Variants in TENM1 observed in about 807,000 individuals in gnomAD.
TENM1 encodes teneurin transmembrane protein 1.
Under a neutral mutation model 174.8 loss-of-function variants are expected in TENM1, and 35 were observed. The ratio of observed to expected loss-of-function variants is 0.20; its 90% confidence interval spans 0.15 to 0.27. The LOEUF (loss-of-function observed/expected upper bound fraction) is 0.27. TENM1 is among the 10% of genes least tolerant of loss of function. The probability of loss-of-function intolerance (pLI) is 1.00; values close to 1 mark genes in which losing one functional copy is unlikely to be tolerated. For synonymous variants in TENM1, 781 were observed against 798.7 expected (o/e 0.98, Z 0.37); for missense variants, 1,633 against 2,130.1 (o/e 0.77, Z 4.59).
At chrX:124,853,730 C>T (rs1461026136) in intron 3 of TENM1, among the ~76,000 whole-genome samples, 2 of 110,804 alleles carry the variant, frequency 1.8e-5, no homozygotes, top group South Asian at 3.8e-4. Flanking sequence ...GAACAAAAAT[C>T]GAGACAGCTG....
intron 16 of TENM1, among the ~76,000 whole-genome samples, chrX:124,524,765 G>C (rs1230912297): frequency 3.0e-5 from 3 of 98,718 alleles, no homozygotes; most frequent in Non-Finnish European, 5.9e-5. Flanking sequence ...AACAGATTCA[G>C]ATTTCATTTC....
At chrX:124,480,854 CATCTT>C (rs1338326889) in intron 22 of TENM1, among the ~76,000 whole-genome samples, 5 of 111,343 alleles carry the variant, frequency 4.5e-5, no homozygotes, top group African/African-American at 1.6e-4. Context: ...CATACACAAA[CATCTT>C]AGAGAAGGAA....
chrX:125,123,082 A>G, the TENM1 span, among the ~76,000 whole-genome samples: 1 of 111,641 alleles, frequency 9.0e-6, no homozygotes, highest in African/African-American at 3.2e-5. Context: ...CAGCAAAATA[A>G]CTGATTGCAT....
chrX:124,438,370 G>A (rs1289098753), intron 23 of TENM1, among the ~76,000 whole-genome samples: 1 of 110,262 alleles, frequency 9.1e-6, no homozygotes, highest in Non-Finnish European at 1.9e-5. Context: ...AGATACAGAA[G>A]TATCTTAGAT....
chrX:124,768,671 C>G (rs1200492881), intron 3 of TENM1, among the ~76,000 whole-genome samples: 1 of 112,434 alleles, frequency 8.9e-6, no homozygotes, highest in Non-Finnish European at 1.9e-5. Flanking sequence ...TTATTCATAA[C>G]ATACAAGATA....
chrX:124,606,142 A>G (rs2050151222), intron 11 of TENM1, among the ~76,000 whole-genome samples: 1 of 111,287 alleles, frequency 9.0e-6, no homozygotes, highest in Admixed American at 9.6e-5. Context: ...CTTGGGATCC[A>G]GTTAAAAAAT....
intron 6 of TENM1, among the ~76,000 whole-genome samples, chrX:124,667,898 A>G (rs2051814602): frequency 9.0e-6 from 1 of 111,043 alleles, no homozygotes; most frequent in South Asian, 3.8e-4. Flanking sequence ...TGTTAATGGG[A>G]AACCAATTCC....
At chrX:124,551,528 C>CCACA (rs200848099) in intron 14 of TENM1, among the ~76,000 whole-genome samples, 2,262 of 101,753 alleles carry the variant, frequency 0.022, 29 homozygotes, top group African/African-American at 0.043. Flanking sequence ...ACACACACAC[C>CCACA]CACACACACA....
Position 124,646,637 on chromosome X carries a change from A to G in TENM1, c.1681+72T>C, listed in dbSNP as rs929141102. The G allele has an allele frequency of 5.4e-6, 4 of 745,545 alleles. No homozygotes were observed. The African/African-American group carries it at 6.2e-5, about 12-fold the overall frequency. The allele number at this position is 745,545 out of a possible 1,213,427, so 61.4% of individuals were successfully genotyped here. A position where few individuals can be genotyped will look rare whatever the true frequency, so the allele number is the denominator to read the frequency against. On this transcript the variant is annotated intron_variant, in intron 9 of 31. Transcript: ENST00000422452. ...ACTACTAATGTTACTTACTATGACT[A>G]TTACTACTAATTCTGGGTTATGAAA...
At chrX:124,862,044 C>T (rs1342270027) in intron 3 of TENM1, among the ~76,000 whole-genome samples, 1 of 111,958 alleles carries the variant, frequency 8.9e-6, no homozygotes, top group African/African-American at 3.3e-5. Context: ...TGAAACGGAA[C>T]AAATCCAGGA....
intron 4 of TENM1, among the ~76,000 whole-genome samples, chrX:124,712,040 A>G (rs1245109964): frequency 1.8e-5 from 2 of 111,971 alleles, no homozygotes; most frequent in African/African-American, 6.5e-5. Flanking sequence ...TTTTAGGCCA[A>G]ATAATATTCT....
At chrX:124,610,139 T>C (rs1478761914) in intron 11 of TENM1, among the ~76,000 whole-genome samples, 1 of 112,257 alleles carries the variant, frequency 8.9e-6, no homozygotes, top group Non-Finnish European at 1.9e-5. Flanking sequence ...TAGGTAACTA[T>C]TTTCATTTTG....
intron 25 of TENM1, among the ~76,000 whole-genome samples, chrX:124,409,258 A>T (rs1386322410): frequency 9.0e-6 from 1 of 111,546 alleles, no homozygotes; most frequent in Non-Finnish European, 1.9e-5. Context: ...GACTTCCACA[A>T]TGGTTGAACT....
At chrX:124,540,689 T>C (rs11798811) in intron 15 of TENM1, among the ~76,000 whole-genome samples, 174 of 112,067 alleles carry the variant, frequency 1.6e-3, no homozygotes, top group Non-Finnish European at 2.4e-3. Flanking sequence ...GAATCAAGAA[T>C]GTATTATTGA....
the TENM1 span, among the ~76,000 whole-genome samples, chrX:125,170,751 A>T: frequency 1.8e-5 from 2 of 111,352 alleles, no homozygotes; most frequent in Non-Finnish European, 1.9e-5. Context: ...GTGATAAGCT[A>T]AAAACCTTAT....
intron 3 of TENM1, among the ~76,000 whole-genome samples, chrX:124,768,545 C>T (rs1261396573): frequency 3.6e-5 from 4 of 111,725 alleles, no homozygotes; most frequent in Non-Finnish European, 7.6e-5. Flanking sequence ...CAACATTTTC[C>T]CTAGGAGCCA....
intron 3 of TENM1, among the ~76,000 whole-genome samples, chrX:124,789,628 T>C (rs148266345): frequency 2.1e-3 from 232 of 111,469 alleles, no homozygotes; most frequent in African/African-American, 7.2e-3. Flanking sequence ...TGCCAGTCTC[T>C]TTGCTAAAAC....
At chrX:124,737,415 T>C (rs6608214) in intron 3 of TENM1, among the ~76,000 whole-genome samples, 6 of 111,841 alleles carry the variant, frequency 5.4e-5, no homozygotes, top group African/African-American at 1.6e-4. Context: ...TGCATTTACA[T>C]GTAAATTCTT....
At chrX:125,064,627 G>A in the TENM1 span, among the ~76,000 whole-genome samples, 1 of 111,284 alleles carries the variant, frequency 9.0e-6, no homozygotes, top group Non-Finnish European at 1.9e-5. Flanking sequence ...AATTGAAGAA[G>A]ACCAATGATT....
Sources: allele counts gnomAD v4.1 joint callset (sites outside exome capture counted in the v4.1 genomes callset), GRCh38; gene constraint gnomAD v4.1.1; transcripts MANE v1.5; gene names NCBI Gene and HGNC (gene_info 2026-07-23, HGNC 2026-07-21).